Variants in LMTK2 observed in about 807,000 individuals in gnomAD.
LMTK2 encodes the protein serine/threonine-protein kinase LMTK2.
A neutral mutation model predicts 127.5 loss-of-function variants in LMTK2; 37 were observed. That is an observed-to-expected ratio of 0.29 (90% CI 0.22 to 0.38). The LOEUF (loss-of-function observed/expected upper bound fraction) is 0.38, where lower values mean the gene tolerates loss of function less well. Among genes scored for constraint, LMTK2 ranks in the 10% least tolerant of loss-of-function variants. The pLI is 1.00. For synonymous variants in LMTK2, 819 were observed against 810.1 expected, an observed-to-expected ratio of 1.01 and a Z score of -0.19; for missense variants, 1,694 against 1,920.3, an observed-to-expected ratio of 0.88 and a Z score of 2.20.
At chr7:98,118,870 A>C (rs1796323136) in intron 1 of LMTK2, among the ~76,000 whole-genome samples, 1 of 152,228 alleles carries the variant, frequency 6.6e-6, no homozygotes, top group African/African-American at 2.4e-5. Context: ...AGGCAGGCAG[A>C]TCATGAGGTC....
At chr7:98,198,136 C>T (rs1337679437) in intron 11 of LMTK2, among the ~76,000 whole-genome samples, 6 of 148,236 alleles carry the variant, frequency 4.0e-5, no homozygotes, top group Non-Finnish European at 8.9e-5. Context: ...CTTCTCCTTG[C>T]TTTGAATTTA....
intron 1 of LMTK2, among the ~76,000 whole-genome samples, chr7:98,133,080 A>G (rs1030015034): frequency 2.0e-5 from 3 of 152,212 alleles, no homozygotes; most frequent in African/African-American, 7.2e-5. Flanking sequence ...AAACTATTAA[A>G]TGAAAACTCA....
intron 10 of LMTK2, 35 bp from the exon 11 acceptor site, chr7:98,191,579 A>G (rs1259234915): frequency 4.9e-6 from 7 of 1,433,654 alleles, no homozygotes; most frequent in African/African-American, 4.3e-5. Context: ...AAAATTCGTG[A>G]TGGTTCCACT....
intron 10 of LMTK2, among the ~76,000 whole-genome samples, chr7:98,191,128 A>C (rs191366503): frequency 6.6e-6 from 1 of 152,294 alleles, no homozygotes; most frequent in African/African-American, 2.4e-5. Flanking sequence ...TTAAAAAAAA[A>C]TGTAGAGACA....
chr7:98,206,148 AGGATTGTTG>A lies in LMTK2; in HGVS notation c.*664_*672del, dbSNP rs954374500. On this transcript the variant is annotated 3_prime_UTR_variant, in exon 14 of 14. Coordinates refer to ENST00000297293, the MANE Select transcript of LMTK2 (RefSeq NM_014916.4). ...ATATTTTGAGTGTTCTACTGTGTCT[AGGATTGTTG>A]GGATTGTACATATGGTACTCTTTCA... 2 of 152,480 alleles carry A rather than the reference AGGATTGTTG, an allele frequency of 1.3e-5. No individual in the cohort carries two copies. Among genetic ancestry groups the A allele is most frequent in the African/African-American group, 4.8e-5 (2 of 41,442 alleles). 9.4% of individuals were successfully genotyped at this position (152,480 alleles called of 1,614,324 possible).
chr7:98,120,803 A>G (rs907344015), intron 1 of LMTK2, among the ~76,000 whole-genome samples: 1 of 152,004 alleles, frequency 6.6e-6, no homozygotes, highest in African/African-American at 2.4e-5. Flanking sequence ...AAAATGCAAC[A>G]CCCTGACACT....
intron 1 of LMTK2, among the ~76,000 whole-genome samples, chr7:98,123,563 T>A (rs1796397784): frequency 6.6e-6 from 1 of 152,140 alleles, no homozygotes; most frequent in Non-Finnish European, 1.5e-5. Context: ...TAAGACTTCC[T>A]ATGTGTCTAG....
intron 3 of LMTK2, among the ~76,000 whole-genome samples, chr7:98,149,738 CA>C (rs1399956539): frequency 1.3e-5 from 2 of 152,108 alleles, no homozygotes; most frequent in East Asian, 3.9e-4. Flanking sequence ...GCATCATTCA[CA>C]AAAGGAAATA....
chr7:98,177,717 C>A (rs1348243398), intron 7 of LMTK2, among the ~76,000 whole-genome samples: 3 of 150,848 alleles, frequency 2.0e-5, no homozygotes, highest in Non-Finnish European at 4.4e-5. Flanking sequence ...GAATTTCACA[C>A]CCTGTGGAAG....
rs117713636 is a variant in LMTK2 at position 98,161,638 on chromosome 7, C to T, written c.657+2213C>T. On this transcript the variant is annotated intron_variant, in intron 6 of 13. Transcript: ENST00000297293. The stretch of plus-strand genomic sequence containing the variant: ...ATTATATAATCGGTTTTGATGATCT[C>T]GATATGATCAGAGTTATAAAATTTA... Among the ~76,000 whole-genome samples the T allele has an allele frequency of 7.7e-3, 1,174 of 151,954 alleles. 5 individuals carry two copies. The highest frequency in any genetic ancestry group is 0.037 in the Middle Eastern group (11 of 294).
At chr7:98,124,303 G>C (rs1796412142) in intron 1 of LMTK2, among the ~76,000 whole-genome samples, 1 of 152,168 alleles carries the variant, frequency 6.6e-6, no homozygotes, top group Non-Finnish European at 1.5e-5. Context: ...ACCATGTACT[G>C]TCTGACCTTG....
intron 1 of LMTK2, among the ~76,000 whole-genome samples, chr7:98,131,851 CTG>C (rs1472997986): frequency 6.6e-6 from 1 of 152,180 alleles, no homozygotes; most frequent in Non-Finnish European, 1.5e-5. Flanking sequence ...TGTTACAAAA[CTG>C]TGATACATTG....
rs145381771 is a variant in LMTK2 at position 98,194,792 on chromosome 7, C to T, written c.4107+220C>T. Among the ~76,000 whole-genome samples, 5 of 152,334 alleles carry T rather than the reference C, an allele frequency of 3.3e-5. No homozygotes were observed. Among genetic ancestry groups the T allele is most frequent in the Non-Finnish European group, 5.9e-5 (4 of 68,024 alleles). On this transcript the variant is annotated intron_variant, in intron 11 of 13. Transcript: ENST00000297293. This position sits in a 1 kb window ranked among gnomAD's most constrained non-coding sequence, Gnocchi z 5.4. ...AAATTAAGAGAAAGAGACCCGAATG[C>T]TCTTCCTGGGTCTTCTAATGGAGTC...
rs764126136 is a variant in LMTK2, at chr7:98,193,873, A to C, written c.3408A>C (p.Leu1136=). Residue 1136 remains leucine (L), a synonymous_variant, in exon 11 of 14, where the codon CTA becomes CTC. Transcript: ENST00000297293. The surrounding 1 kb of genome is among the most constrained non-coding windows in gnomAD (Gnocchi z 4.1). ...TGGTGTTGGTACAGGAGCAGCCCCT[A>C]CCCGAGCCAGTCCTCCCCGAGCAAA... The part of the protein sequence containing the change: ...SALVLVQEQP[L]PEPVLPEQSP... 3.1e-6 allele frequency: 5 copies of C among 1,613,640 alleles called. No individual in the cohort carries two copies. In the African/African-American group the frequency reaches 5.3e-5, roughly 17 times the overall value.
At chr7:98,136,533 A>G (rs1042298664) in intron 1 of LMTK2, among the ~76,000 whole-genome samples, 1 of 152,204 alleles carries the variant, frequency 6.6e-6, no homozygotes, top group Non-Finnish European at 1.5e-5. Context: ...CCCTCCAGGA[A>G]GTACAGCTTA....
intron 1 of LMTK2, among the ~76,000 whole-genome samples, chr7:98,120,812 C>G (rs1396538015): frequency 1.3e-5 from 2 of 152,262 alleles, no homozygotes; most frequent in South Asian, 2.1e-4. Flanking sequence ...CACCCTGACA[C>G]TGATTGCTGG....
chr7:98,153,125 G>A (rs1369752213), intron 4 of LMTK2, among the ~76,000 whole-genome samples: 1 of 152,128 alleles, frequency 6.6e-6, no homozygotes, highest in African/African-American at 2.4e-5. Context: ...CAACTCAGTG[G>A]GGGCACCAAG....
intron 4 of LMTK2, among the ~76,000 whole-genome samples, chr7:98,154,207 AT>A (rs1436823141): frequency 9.2e-5 from 14 of 152,106 alleles, no homozygotes; most frequent in Non-Finnish European, 1.9e-4. Context: ...TGTTCTGCTG[AT>A]TTCAGTGGGG....
intron 1 of LMTK2, among the ~76,000 whole-genome samples, chr7:98,116,293 G>A (rs569323209): frequency 3.9e-5 from 6 of 152,300 alleles, no homozygotes; most frequent in African/African-American, 1.4e-4. Flanking sequence ...TGGATGGTAT[G>A]TCACAGGTTG....
Sources: allele counts gnomAD v4.1 joint callset (sites outside exome capture counted in the v4.1 genomes callset), GRCh38; gene constraint gnomAD v4.1.1; non-coding constraint Gnocchi (gnomAD v3.1); transcripts MANE v1.5; gene names NCBI Gene and HGNC (gene_info 2026-07-23, HGNC 2026-07-21).